TRIM2: variants seen among roughly 807,000 people sequenced by gnomAD.
TRIM2 encodes tripartite motif-containing protein 2.
In TRIM2, 20 loss-of-function variants were observed where a neutral mutation model predicts 75.2. The observed-to-expected ratio is 0.27, with a 90% CI of 0.19 to 0.39. TRIM2 has a LOEUF of 0.39. Among genes scored for constraint, TRIM2 ranks in the 10% least tolerant of loss-of-function variants. The pLI is 1.00. For missense variants in TRIM2, 660 were observed against 990.8 expected (o/e 0.67, Z 4.48); for synonymous variants, 373 against 388.3 (o/e 0.96, Z 0.46).
intron 1 of TRIM2, among the ~76,000 whole-genome samples, chr4:153,228,891 C>T (rs763404813): frequency 6.6e-6 from 1 of 152,286 alleles, no homozygotes. Flanking sequence ...TTTCCCCCCA[C>T]AAATGGTGTC....
At chr4:153,205,487 T>C (rs909315481) in intron 1 of TRIM2, among the ~76,000 whole-genome samples, 23 of 151,768 alleles carry the variant, frequency 1.5e-4, no homozygotes, top group Non-Finnish European at 2.1e-4. Flanking sequence ...GTCCTGGGAG[T>C]TGCTTTAGAA....
intron 1 of TRIM2, 120 bp downstream of exon 1, chr4:153,204,680 A>C: frequency 1.6e-6 from 2 of 1,267,690 alleles, no homozygotes; most frequent in Non-Finnish European, 2.2e-6. Flanking sequence ...TTTTCCCTGC[A>C]GAAGAGGGAA....
Position 153,179,021 on chromosome 4 carries a change from C to T in TRIM2, c.-49+25751C>T, listed in dbSNP as rs555863952. ...GGCAACAAACACAGTGAGACCTCATCTCTACAAAAAATTTAAAAATTAGCC... is the reference window on the plus strand; with the variant it reads ...GGCAACAAACACAGTGAGACCTCATTTCTACAAAAAATTTAAAAATTAGCC... On this transcript the variant is annotated intron_variant, in intron 1 of 11. Coordinates refer to the TRIM2 transcript ENST00000437508. 2.0e-5 allele frequency among the ~76,000 whole-genome samples: 3 copies of T among 152,204 alleles called. No homozygotes were observed. In the East Asian group the frequency reaches 5.8e-4, roughly 29 times the overall value.
chr4:153,301,462 G>T (rs545401278), intron 6 of TRIM2, among the ~76,000 whole-genome samples: 1 of 152,196 alleles, frequency 6.6e-6, no homozygotes, highest in Non-Finnish European at 1.5e-5. Flanking sequence ...CTTCACTCTG[G>T]TGATCCTTTG....
In TRIM2 at chr4:153,173,595, G is replaced by A. The variant is rs374154294; in HGVS notation, c.-49+20325G>A. ...GCAGAATCGCTTGAACCCGGGAGGC[G>A]GAGGTTGCAGTGAGCCGAGATCGCG... On this transcript the variant is annotated intron_variant, in intron 1 of 11. Coordinates refer to the TRIM2 transcript ENST00000437508. Among the ~76,000 whole-genome samples, 10 of 151,140 alleles carry A rather than the reference G, an allele frequency of 6.6e-5. No homozygotes were observed. In the East Asian group the frequency reaches 1.6e-3, roughly 24 times the overall value.
intron 1 of TRIM2, among the ~76,000 whole-genome samples, chr4:153,206,098 G>A (rs1735361419): frequency 6.6e-6 from 1 of 152,174 alleles, no homozygotes; most frequent in African/African-American, 2.4e-5. Context: ...ATTTGGTCAG[G>A]TCAATGCATT....
chr4:153,305,749 A>G (rs1028295235), intron 6 of TRIM2, among the ~76,000 whole-genome samples: 13 of 152,236 alleles, frequency 8.5e-5, no homozygotes, highest in Admixed American at 7.2e-4. Context: ...CTCTGCCCTC[A>G]CAACACAATA....
intron 1 of TRIM2, among the ~76,000 whole-genome samples, chr4:153,218,993 GA>G (rs1739243491): frequency 1.6e-5 from 1 of 63,442 alleles, no homozygotes; most frequent in South Asian, 7.4e-4. Context: ...TCCTTGTCCT[GA>G]CCCCCCCCAT....
intron 1 of TRIM2, among the ~76,000 whole-genome samples, chr4:153,163,765 C>A (rs1381819526): frequency 1.5e-5 from 2 of 131,258 alleles, no homozygotes; most frequent in East Asian, 5.2e-4. Flanking sequence ...GCCTCCCAGA[C>A]TGTTGGGATT....
Position 153,295,265 on chromosome 4 carries a change from G to T in TRIM2, c.787-48G>T, listed in dbSNP as rs1386652298. ...CGGTGGAGGGCACTGCCCCGGGCTA[G>T]GCCCCGCCCTGTGGGACGAGCTCAC... On this transcript the variant is annotated intron_variant, in intron 5 of 11. Transcript: ENST00000338700. The surrounding 1 kb of genome is among the most constrained non-coding windows in gnomAD (Gnocchi z 7.2). 6.6e-7 allele frequency: 1 copy of T among 1,504,150 alleles called. No individual in the cohort carries two copies. Among genetic ancestry groups the T allele is most frequent in the Non-Finnish European group, 8.9e-7 (1 of 1,126,464 alleles). The allele number at this position is 1,504,150 out of a possible 1,614,324, so 93.2% of individuals were successfully genotyped here. A position where few individuals can be genotyped will look rare whatever the true frequency, so the allele number is the denominator to read the frequency against.
chr4:153,163,246 C>T (rs751177076), intron 1 of TRIM2, among the ~76,000 whole-genome samples: 12 of 152,084 alleles, frequency 7.9e-5, no homozygotes, highest in East Asian at 5.8e-4. Context: ...AGTGCAGGGG[C>T]GCAATCTTGG....
At chr4:153,220,021 G>A (rs141062439) in intron 1 of TRIM2, among the ~76,000 whole-genome samples, 143 of 152,290 alleles carry the variant, frequency 9.4e-4, no homozygotes, top group South Asian at 6.8e-3. Context: ...TAAATAGGAC[G>A]TTGATCTCAT....
At chr4:153,166,032 C>G (rs1277000064) in intron 1 of TRIM2, among the ~76,000 whole-genome samples, 1 of 152,100 alleles carries the variant, frequency 6.6e-6, no homozygotes, top group East Asian at 1.9e-4. Context: ...TTAGATTGAT[C>G]CTCTAATTTT....
At chr4:153,277,695 C>T (rs2150069087) in intron 3 of TRIM2, among the ~76,000 whole-genome samples, 1 of 152,160 alleles carries the variant, frequency 6.6e-6, no homozygotes, top group South Asian at 2.1e-4. Context: ...AAAAGCTAGC[C>T]CTGGAAGAAA....
intron 1 of TRIM2, among the ~76,000 whole-genome samples, chr4:153,190,838 C>T (rs1039631845): frequency 7.2e-5 from 11 of 152,088 alleles, no homozygotes; most frequent in Non-Finnish European, 1.0e-4. Context: ...CCTGGTTTCA[C>T]GCAATTCTCC....
chr4:153,333,421 CATA>C (rs1487507553), intron 11 of TRIM2, among the ~76,000 whole-genome samples: 1 of 152,156 alleles, frequency 6.6e-6, no homozygotes, highest in Non-Finnish European at 1.5e-5. Context: ...GATAAAATGA[CATA>C]AAACTGTACA....
intron 1 of TRIM2, among the ~76,000 whole-genome samples, chr4:153,198,247 C>T (rs190890871): frequency 6.6e-6 from 1 of 152,278 alleles, no homozygotes; most frequent in Admixed American, 6.5e-5. Flanking sequence ...TGACCCCACC[C>T]AAATCTCAAC....
At chr4:153,195,197 G>A (rs193160038) in intron 1 of TRIM2, among the ~76,000 whole-genome samples, 10 of 152,282 alleles carry the variant, frequency 6.6e-5, no homozygotes, top group South Asian at 2.1e-4. Context: ...AGACAGAGAC[G>A]GGAGTTCCTG....
chr4:153,244,533 T>A (rs1008603518), intron 1 of TRIM2, among the ~76,000 whole-genome samples: 1 of 150,674 alleles, frequency 6.6e-6, no homozygotes, highest in South Asian at 2.1e-4. Flanking sequence ...GTAGCTGAGA[T>A]TACTGGTGTG....
Sources: allele counts gnomAD v4.1 joint callset (sites outside exome capture counted in the v4.1 genomes callset), GRCh38; gene constraint gnomAD v4.1.1; non-coding constraint Gnocchi (gnomAD v3.1); transcripts MANE v1.5; gene names NCBI Gene and HGNC (gene_info 2026-07-23, HGNC 2026-07-21).